The following CADPS2 variants were observed in gnomAD, a reference collection of about 807,000 sequenced individuals.
CADPS2 encodes calcium dependent secretion activator 2.
In CADPS2, 93 loss-of-function variants were observed where a neutral mutation model predicts 172.5. The observed-to-expected ratio is 0.54, with a 90% CI of 0.46 to 0.64. CADPS2 has a LOEUF of 0.64. Ranked by LOEUF, CADPS2 falls within the 30% of genes least tolerant of loss-of-function variation. The pLI is 0.00. For missense variants in CADPS2, 1,420 were observed against 1,565.9 expected (o/e 0.91, Z 1.57); for synonymous variants, 546 against 555.2 (o/e 0.98, Z 0.23).
At chr7:122,418,440 T>C (rs754419526) in intron 17 of CADPS2, among the ~76,000 whole-genome samples, 1 of 152,162 alleles carries the variant, frequency 6.6e-6, no homozygotes, top group Non-Finnish European at 1.5e-5. Flanking sequence ...TTAAGTAAGA[T>C]AATAAGTAGA....
At chr7:122,508,866 G>A (rs550398220) in intron 9 of CADPS2, among the ~76,000 whole-genome samples, 1 of 152,258 alleles carries the variant, frequency 6.6e-6, no homozygotes, top group South Asian at 2.1e-4. Context: ...TAATGTGGTA[G>A]TGCTGGCAGG....
intron 1 of CADPS2, among the ~76,000 whole-genome samples, chr7:122,830,613 A>G (rs1330041371): frequency 6.6e-6 from 1 of 152,254 alleles, no homozygotes; most frequent in Non-Finnish European, 1.5e-5. Context: ...AACAAATGCA[A>G]AAACATTGGA....
rs1032561383 is a variant in CADPS2, at chr7:122,778,542, G to A, written c.340-41474C>T. On this transcript the variant is annotated intron_variant, in intron 1 of 29. Coordinates refer to ENST00000449022, the MANE Select transcript of CADPS2 (RefSeq NM_017954.11). ...AGTCCCTCCCATCATAGGCCCAGAGGCCTGGAAGGAAAAAATGGTTTTGTG... is the reference window on the plus strand; with the variant it reads ...AGTCCCTCCCATCATAGGCCCAGAGACCTGGAAGGAAAAAATGGTTTTGTG... Among the ~76,000 whole-genome samples the A allele has an allele frequency of 3.9e-4, 60 of 152,144 alleles. 1 individual carries two copies. The highest frequency in any genetic ancestry group is 1.4e-3 in the African/African-American group (59 of 41,442).
intron 1 of CADPS2, among the ~76,000 whole-genome samples, chr7:122,813,775 T>C (rs991166312): frequency 4.6e-5 from 7 of 152,236 alleles, no homozygotes; most frequent in South Asian, 2.1e-4. Flanking sequence ...ACAGTGGATA[T>C]TGGAAAATAC....
At chr7:122,863,358 C>T (rs1019001376) in intron 1 of CADPS2, among the ~76,000 whole-genome samples, 1 of 151,956 alleles carries the variant, frequency 6.6e-6, no homozygotes, top group Non-Finnish European at 1.5e-5. Flanking sequence ...TAAGAGAACA[C>T]TGAGATGTGA....
intron 1 of CADPS2, among the ~76,000 whole-genome samples, chr7:122,778,898 T>G (rs2093963057): frequency 1.3e-5 from 2 of 152,160 alleles, no homozygotes; most frequent in Admixed American, 6.5e-5. Flanking sequence ...CCCACCCAAA[T>G]CTCATCTTGA....
chr7:122,385,106 G>T (rs1196169993), intron 24 of CADPS2, among the ~76,000 whole-genome samples: 4 of 151,844 alleles, frequency 2.6e-5, no homozygotes, highest in Admixed American at 6.6e-5. Flanking sequence ...CTTACATCTG[G>T]TTATTAAAAA....
At chr7:122,662,047 T>TTAG (rs1313888771) in intron 3 of CADPS2, among the ~76,000 whole-genome samples, 1 of 152,192 alleles carries the variant, frequency 6.6e-6, no homozygotes, top group Admixed American at 6.5e-5. Context: ...TGATTTACTA[T>TTAG]TAACTCTATT....
intron 1 of CADPS2, among the ~76,000 whole-genome samples, chr7:122,833,843 T>C (rs1807394130): frequency 6.6e-6 from 1 of 152,158 alleles, no homozygotes; most frequent in South Asian, 2.1e-4. Context: ...CTCAATAGCA[T>C]TAAAGAAGTT....
intron 9 of CADPS2, among the ~76,000 whole-genome samples, chr7:122,506,732 A>T (rs1364355300): frequency 6.6e-6 from 1 of 151,796 alleles, no homozygotes; most frequent in Non-Finnish European, 1.5e-5. Context: ...TTATTTAAAA[A>T]AAAAAAAAAA....
chr7:122,440,637 T>C (rs2051228433), intron 16 of CADPS2, among the ~76,000 whole-genome samples: 1 of 152,198 alleles, frequency 6.6e-6, no homozygotes, highest in Non-Finnish European at 1.5e-5. Flanking sequence ...ATCTGGACAA[T>C]GTCTTCTCTC....
At chr7:122,827,813 A>C (rs1029349606) in intron 1 of CADPS2, among the ~76,000 whole-genome samples, 1 of 152,234 alleles carries the variant, frequency 6.6e-6, no homozygotes, top group African/African-American at 2.4e-5. Flanking sequence ...TCATGTCTAT[A>C]ATTGCAAAAC....
chr7:122,832,092 T>C (rs1239119278), intron 1 of CADPS2, among the ~76,000 whole-genome samples: 1 of 152,186 alleles, frequency 6.6e-6, no homozygotes, highest in Non-Finnish European at 1.5e-5. Context: ...GTATCAAGCA[T>C]TGTCAAGATA....
chr7:122,860,719 C>T (rs1374437695), intron 1 of CADPS2, among the ~76,000 whole-genome samples: 1 of 152,080 alleles, frequency 6.6e-6, no homozygotes, highest in East Asian at 1.9e-4. Flanking sequence ...GCTGACCAAC[C>T]TCTCTAAACC....
chr7:122,796,649 C>T (rs1476598389), intron 1 of CADPS2, among the ~76,000 whole-genome samples: 4 of 152,100 alleles, frequency 2.6e-5, no homozygotes, highest in East Asian at 1.9e-4. Flanking sequence ...GCTGTTATTA[C>T]TGGCTACCCA....
intron 2 of CADPS2, among the ~76,000 whole-genome samples, chr7:122,699,378 G>A (rs1346877774): frequency 2.0e-5 from 3 of 152,062 alleles, no homozygotes; most frequent in African/African-American, 7.2e-5. Context: ...AAGCCTGAAA[G>A]CACATGTAAG....
chr7:122,598,944 GTATTAC>G (rs758332233), intron 6 of CADPS2, among the ~76,000 whole-genome samples: 23 of 152,152 alleles, frequency 1.5e-4, no homozygotes, highest in Non-Finnish European at 3.2e-4. Context: ...AACATATAGG[GTATTAC>G]TGAAGCCCTC....
At chr7:122,885,612 C>G (rs976475805) in intron 1 of CADPS2, among the ~76,000 whole-genome samples, 1 of 152,184 alleles carries the variant, frequency 6.6e-6, no homozygotes, top group African/African-American at 2.4e-5. Flanking sequence ...AAACCCAGCT[C>G]TAGCAATATC....
chr7:122,402,256 T>A (rs2151601768), intron 20 of CADPS2, among the ~76,000 whole-genome samples: 1 of 152,186 alleles, frequency 6.6e-6, no homozygotes, highest in East Asian at 1.9e-4. Context: ...AAATAAAAGT[T>A]CAAGGACTCT....
Sources: allele counts gnomAD v4.1 joint callset (sites outside exome capture counted in the v4.1 genomes callset), GRCh38; gene constraint gnomAD v4.1.1; transcripts MANE v1.5; gene names NCBI Gene and HGNC (gene_info 2026-07-23, HGNC 2026-07-21).